RABEP1: variants seen among roughly 807,000 people sequenced by gnomAD.
The protein encoded by RABEP1 is rabaptin, RAB GTPase binding effector protein 1, also known as rab GTPase-binding effector protein 1.
RABEP1 carries 51 observed loss-of-function variants against 123.4 expected under a neutral mutation model. That is an observed-to-expected ratio of 0.41 (90% confidence interval 0.33 to 0.52). The LOEUF is 0.52. RABEP1 is among the 20% of genes least tolerant of loss of function. The pLI, the probability that RABEP1 is intolerant of heterozygous loss-of-function variation, is 0.16. For synonymous variants in RABEP1, 347 were observed against 355.2 expected, an observed-to-expected ratio of 0.98 and a Z score of 0.26; for missense variants, 888 against 996.3, an observed-to-expected ratio of 0.89 and a Z score of 1.46.
At position 5,378,272 on chromosome 17, in the gene RABEP1, T is replaced by C. The variant is rs150708486; in HGVS notation, c.2271+40T>C. 3.5e-4 allele frequency: 522 copies of C among 1,506,226 alleles called. 4 individuals are homozygous for C. In the East Asian group the frequency reaches 0.011, roughly 31 times the overall value. 93.3% of individuals were successfully genotyped at this position (1,506,226 alleles called of 1,614,324 possible). A position where few individuals can be genotyped will look rare whatever the true frequency, so the allele number is the denominator to read the frequency against. ...TCAAATTAATTCTATCAGCAACCAG[T>C]GGTTATTTACTGACTCCTACTATGC... On this transcript the variant is annotated intron_variant, in intron 15 of 17. Transcript: ENST00000537505.
At chr17:5,363,513 C>A (rs531186353) in intron 10 of RABEP1, among the ~76,000 whole-genome samples, 1 of 152,090 alleles carries the variant, frequency 6.6e-6, no homozygotes, top group Non-Finnish European at 1.5e-5. Context: ...CCACCGCGCT[C>A]GGCCAGGACT....
chr17:5,299,290 G>A (rs1276367806), intron 1 of RABEP1, among the ~76,000 whole-genome samples: 1 of 151,908 alleles, frequency 6.6e-6, no homozygotes, highest in African/African-American at 2.4e-5. Context: ...CCTGGACCTG[G>A]AATTGGTCCT....
At chr17:5,353,727 T>C (rs997921514) in intron 7 of RABEP1, among the ~76,000 whole-genome samples, 1 of 152,020 alleles carries the variant, frequency 6.6e-6, no homozygotes, top group African/African-American at 2.4e-5. Flanking sequence ...TGCATGCCTG[T>C]GATCCCGGCT....
At chr17:5,307,156 A>G (rs1288891074) in intron 1 of RABEP1, among the ~76,000 whole-genome samples, 4 of 152,146 alleles carry the variant, frequency 2.6e-5, no homozygotes, top group Admixed American at 1.3e-4. Flanking sequence ...CGTCTCTACT[A>G]AAAATACAAA....
intron 1 of RABEP1, among the ~76,000 whole-genome samples, chr17:5,303,647 A>T (rs1033278155): frequency 1.3e-5 from 2 of 152,180 alleles, no homozygotes; most frequent in African/African-American, 2.4e-5. Context: ...TTGTAAATTG[A>T]TTGAAATAGG....
intron 15 of RABEP1, among the ~76,000 whole-genome samples, chr17:5,379,803 C>T (rs755585838): frequency 9.9e-5 from 15 of 152,124 alleles, no homozygotes; most frequent in Non-Finnish European, 1.8e-4. Flanking sequence ...GTGGAAAGCC[C>T]TCCCGTAGTT....
intron 13 of RABEP1, among the ~76,000 whole-genome samples, chr17:5,375,915 C>G (rs1390278050): frequency 6.6e-6 from 1 of 151,880 alleles, no homozygotes; most frequent in Non-Finnish European, 1.5e-5. Flanking sequence ...CTCTGTCACC[C>G]AGGCTGGAGT....
intron 1 of RABEP1, among the ~76,000 whole-genome samples, chr17:5,300,019 T>C (rs1051609981): frequency 7.2e-5 from 11 of 152,084 alleles, no homozygotes; most frequent in Non-Finnish European, 1.5e-4. Context: ...TCAGCCACCG[T>C]GCCTGGCCTA....
chr17:5,333,376 A>G (rs1423772918), intron 3 of RABEP1, among the ~76,000 whole-genome samples: 4 of 151,722 alleles, frequency 2.6e-5, no homozygotes, highest in Non-Finnish European at 5.9e-5. Flanking sequence ...GTTAGCCAGG[A>G]TGGTCTCGAT....
intron 12 of RABEP1, among the ~76,000 whole-genome samples, chr17:5,369,800 A>T (rs1910381549): frequency 6.6e-6 from 1 of 151,812 alleles, no homozygotes; most frequent in Admixed American, 6.6e-5. Flanking sequence ...TCCTGGGTTC[A>T]AGTGATTCTC....
At chr17:5,354,273 CTTTA>C (rs919254149) in intron 7 of RABEP1, 82 bp from the exon 8 acceptor site, 4 of 1,285,954 alleles carry the variant, frequency 3.1e-6, no homozygotes, top group African/African-American at 1.5e-5. Context: ...ACGCTCTGTT[CTTTA>C]TTTGTTTTGA....
At chr17:5,377,343 C>CT (rs1356706749) in intron 14 of RABEP1, 38 bp downstream of exon 14, 3 of 1,502,202 alleles carry the variant, frequency 2.0e-6, no homozygotes, top group Non-Finnish European at 2.7e-6. Context: ...ATTAGAGTCA[C>CT]TAAATAAAAC....
chr17:5,324,594 G>A (rs1375903015), intron 2 of RABEP1, among the ~76,000 whole-genome samples: 2 of 152,146 alleles, frequency 1.3e-5, no homozygotes, highest in Admixed American at 6.5e-5. Flanking sequence ...AGGCTAAGAA[G>A]CCTCTGCACA....
At chr17:5,377,329 TAGA>T in intron 14 of RABEP1, 24 bp downstream of exon 14, 9 of 1,550,624 alleles carry the variant, frequency 5.8e-6, no homozygotes, top group Non-Finnish European at 7.8e-6. Context: ...TGATGTAGTT[TAGA>T]ATTAGAGTCA....
At chr17:5,314,668 G>A (rs538604001) in intron 2 of RABEP1, among the ~76,000 whole-genome samples, 8 of 152,098 alleles carry the variant, frequency 5.3e-5, no homozygotes, top group African/African-American at 1.9e-4. Flanking sequence ...ACAGGCGCCC[G>A]CCACCACGCC....
intron 6 of RABEP1, among the ~76,000 whole-genome samples, chr17:5,349,838 AATTT>A (rs921565168): frequency 2.6e-5 from 4 of 152,214 alleles, no homozygotes; most frequent in Non-Finnish European, 5.9e-5. Flanking sequence ...AATCTTTAAA[AATTT>A]ATTTAATTAT....
intron 2 of RABEP1, among the ~76,000 whole-genome samples, chr17:5,315,654 C>T (rs1340235511): frequency 6.6e-6 from 1 of 152,014 alleles, no homozygotes; most frequent in Non-Finnish European, 1.5e-5. Context: ...AGTTTGAGAC[C>T]AGCCTGGTCA....
At position 5,294,633 on chromosome 17, in the gene RABEP1, C is replaced by CTTTTTTTTT. The variant is rs1185209680; in HGVS notation, c.34+12137_34+12145dup. On this transcript the variant is annotated intron_variant, in intron 1 of 17. Coordinates refer to ENST00000537505, the MANE Select transcript of RABEP1 (RefSeq NM_004703.6). ...AGATACTGAGGGAAAACGGTATTGT[C>CTTTTTTTTT]TTTTTTTTTTTTTTTTTTTTTTTTT... 5.2e-3 allele frequency among the ~76,000 whole-genome samples: 278 copies of CTTTTTTTTT among 53,018 alleles called. 79 individuals carry two copies. The highest frequency in any genetic ancestry group is 0.029 in the Middle Eastern group (2 of 68). 34.8% of individuals were successfully genotyped at this position (53,018 alleles called of 152,430 possible).
In RABEP1 at chr17:5,305,392, A is replaced by G. The variant is rs977031770; in HGVS notation, c.35-3302A>G. On this transcript the variant is annotated intron_variant, in intron 1 of 17. Transcript: ENST00000537505. ...GGCTTTGTGGGTATAGAGTGGGTCT[A>G]AACTGTGGGTCAGAGCCATGAAGGG... 5.3e-5 allele frequency among the ~76,000 whole-genome samples: 8 copies of G among 152,190 alleles called. No individual in the cohort carries two copies. The South Asian group carries it at 1.0e-3, about 20-fold the overall frequency.
Sources: gnomAD v4.1 joint callset for allele counts (sites outside exome capture counted in the v4.1 genomes callset) on GRCh38, gnomAD v4.1.1 for gene constraint, MANE v1.5 for transcripts, NCBI Gene and HGNC (gene_info 2026-07-23, HGNC 2026-07-21) for gene names.